Variants in GALNTL6 observed in about 807,000 individuals in gnomAD.
The protein encoded by GALNTL6 is polypeptide N-acetylgalactosaminyltransferase like 6, also known as polypeptide N-acetylgalactosaminyltransferase-like 6.
A neutral mutation model predicts 73.7 loss-of-function variants in GALNTL6; 46 were observed. That is an observed-to-expected ratio of 0.62 (90% CI 0.49 to 0.80). The LOEUF (loss-of-function observed/expected upper bound fraction) is 0.80. Among genes scored for constraint, GALNTL6 ranks in the 30% least tolerant of loss-of-function variants. The pLI is 0.00. For missense variants in GALNTL6, 604 were observed against 755.0 expected (o/e 0.80, Z 2.34); for synonymous variants, 259 against 263.7 (o/e 0.98, Z 0.17).
At chr4:172,162,930 T>G (rs762843470) in intron 2 of GALNTL6, among the ~76,000 whole-genome samples, 4 of 152,032 alleles carry the variant, frequency 2.6e-5, no homozygotes, top group Non-Finnish European at 5.9e-5. Flanking sequence ...TAATCAATGT[T>G]GAACACCCTA....
intron 2 of GALNTL6, among the ~76,000 whole-genome samples, chr4:171,874,751 AAT>A (rs1736229202): frequency 6.6e-6 from 1 of 152,086 alleles, no homozygotes; most frequent in African/African-American, 2.4e-5. Flanking sequence ...CCAACCCAAG[AAT>A]CTATTTTAAA....
chr4:172,464,686 G>C (rs1225607297), intron 5 of GALNTL6, among the ~76,000 whole-genome samples: 4 of 151,798 alleles, frequency 2.6e-5, no homozygotes, highest in African/African-American at 9.7e-5. Context: ...CAGCCTGGGT[G>C]AGACAGAGTG....
intron 5 of GALNTL6, among the ~76,000 whole-genome samples, chr4:172,477,584 G>A (rs1420946905): frequency 6.6e-5 from 10 of 152,092 alleles, no homozygotes; most frequent in Admixed American, 6.6e-4. Context: ...AGACTTAACT[G>A]GCTGGCTGTG....
intron 5 of GALNTL6, among the ~76,000 whole-genome samples, chr4:172,729,322 C>A (rs909248709): frequency 1.3e-5 from 2 of 152,164 alleles, no homozygotes; most frequent in East Asian, 1.9e-4. Flanking sequence ...TGTCCTAGAG[C>A]ATTTTCCTAA....
rs758196581 is a variant in GALNTL6, at chr4:172,007,842, A to G, written c.138+193124A>G. ...AAACTAAATTATCCTTCCCTTTTAT[A>G]GATGGATCAGAGATAGCAGCTTTTT... On this transcript the variant is annotated intron_variant, in intron 2 of 12. Coordinates refer to ENST00000506823, the MANE Select transcript of GALNTL6 (RefSeq NM_001034845.3). Among the ~76,000 whole-genome samples the G allele has an allele frequency of 8.5e-4, 130 of 152,142 alleles. 5 individuals carry two copies. Among genetic ancestry groups the G allele is most frequent in the Non-Finnish European group, 1.8e-4 (12 of 68,018 alleles).
intron 2 of GALNTL6, among the ~76,000 whole-genome samples, chr4:172,088,013 C>G (rs1732098990): frequency 6.6e-6 from 1 of 152,082 alleles, no homozygotes; most frequent in South Asian, 2.1e-4. Flanking sequence ...CTTATTAAGA[C>G]TATATGAATA....
chr4:171,973,906 G>A (rs1450569885), intron 2 of GALNTL6, among the ~76,000 whole-genome samples: 1 of 152,200 alleles, frequency 6.6e-6, no homozygotes, highest in Non-Finnish European at 1.5e-5. Flanking sequence ...TTATCCTGAA[G>A]TGATAACATA....
At chr4:171,950,096 C>G (rs551932868) in intron 2 of GALNTL6, among the ~76,000 whole-genome samples, 4 of 152,292 alleles carry the variant, frequency 2.6e-5, no homozygotes, top group African/African-American at 9.6e-5. Context: ...AATAGTTAGA[C>G]TGAGAGCTGA....
intron 2 of GALNTL6, among the ~76,000 whole-genome samples, chr4:172,098,889 C>T (rs181098063): frequency 1.8e-4 from 27 of 152,150 alleles, no homozygotes; most frequent in East Asian, 3.9e-4. Flanking sequence ...AACAAATTAT[C>T]GGACCCTAAA....
chr4:172,777,953 G>A (rs1739160356), intron 5 of GALNTL6, among the ~76,000 whole-genome samples: 1 of 152,180 alleles, frequency 6.6e-6, no homozygotes, highest in Non-Finnish European at 1.5e-5. Flanking sequence ...TTCCTAGGTT[G>A]TGGCAATGAC....
intron 5 of GALNTL6, among the ~76,000 whole-genome samples, chr4:172,561,259 CAA>C (rs59249298): frequency 1.4e-3 from 84 of 60,116 alleles, no homozygotes; most frequent in Middle Eastern, 0.012. Context: ...GACTCCGTCT[CAA>C]AAAAAAAAAA....
At chr4:172,953,111 A>G (rs1749540061) in intron 10 of GALNTL6, among the ~76,000 whole-genome samples, 2 of 152,244 alleles carry the variant, frequency 1.3e-5, no homozygotes, top group Non-Finnish European at 2.9e-5. Context: ...GATTCTTTAA[A>G]TAAGCACCAA....
chr4:172,166,307 G>A (rs112806905), intron 2 of GALNTL6, among the ~76,000 whole-genome samples: 13 of 152,210 alleles, frequency 8.5e-5, no homozygotes, highest in African/African-American at 2.9e-4. Flanking sequence ...GTAGCCAGGC[G>A]TGGTGGCGCA....
At chr4:172,049,624 C>A (rs1002626437) in intron 2 of GALNTL6, among the ~76,000 whole-genome samples, 26 of 152,230 alleles carry the variant, frequency 1.7e-4, no homozygotes, top group African/African-American at 6.0e-4. Context: ...CTCAAGACCA[C>A]GTTTATTCTC....
chr4:172,639,925 T>G (rs1306750718), intron 5 of GALNTL6, among the ~76,000 whole-genome samples: 1 of 152,120 alleles, frequency 6.6e-6, no homozygotes, highest in African/African-American at 2.4e-5. Flanking sequence ...CTATATTAGA[T>G]CATGCCAACA....
chr4:172,523,233 A>G (rs1734842674), intron 5 of GALNTL6, among the ~76,000 whole-genome samples: 1 of 152,332 alleles, frequency 6.6e-6, no homozygotes, highest in Non-Finnish European at 1.5e-5. Flanking sequence ...ACTGTTCAGT[A>G]ACATCCTTAA....
At chr4:172,350,799 A>G (rs952784986) in intron 5 of GALNTL6, among the ~76,000 whole-genome samples, 3 of 152,214 alleles carry the variant, frequency 2.0e-5, no homozygotes, top group Non-Finnish European at 2.9e-5. Flanking sequence ...CTCATCTGAG[A>G]GTATTGGTTG....
At chr4:172,150,595 A>G (rs548301834) in intron 2 of GALNTL6, among the ~76,000 whole-genome samples, 1 of 152,306 alleles carries the variant, frequency 6.6e-6, no homozygotes, top group East Asian at 1.9e-4. Flanking sequence ...TAGTATGTGA[A>G]TATTTGTGGA....
intron 2 of GALNTL6, among the ~76,000 whole-genome samples, chr4:172,188,419 T>C (rs1204994922): frequency 1.3e-5 from 2 of 152,170 alleles, no homozygotes; most frequent in Non-Finnish European, 2.9e-5. Flanking sequence ...AGTGAGTATA[T>C]GTTGAGCAAC....
Sources: gnomAD v4.1 joint callset for allele counts (sites outside exome capture counted in the v4.1 genomes callset) on GRCh38, gnomAD v4.1.1 for gene constraint, MANE v1.5 for transcripts, NCBI Gene and HGNC (gene_info 2026-07-23, HGNC 2026-07-21) for gene names.